PLCG2: variants seen among roughly 807,000 people sequenced by gnomAD.
PLCG2 encodes the protein 1-phosphatidylinositol 4,5-bisphosphate phosphodiesterase gamma-2.
PLCG2 carries 69 observed loss-of-function variants against 175.6 expected under a neutral mutation model. That is an observed-to-expected ratio of 0.39 (90% confidence interval 0.32 to 0.48). The LOEUF is 0.48. PLCG2 is among the 20% of genes least tolerant of loss of function. The pLI, the probability that PLCG2 is intolerant of heterozygous loss-of-function variation, is 0.91. For missense variants in PLCG2, 1,798 were observed against 1,650.9 expected, an observed-to-expected ratio of 1.09 and a Z score of -1.54; for synonymous variants, 827 against 624.0, an observed-to-expected ratio of 1.33 and a Z score of -4.85.
Position 81,962,221 on chromosome 16 carries a change from C to G in PLCG2, c.*4223C>G, listed in dbSNP as rs1911804401. 1.6e-5 allele frequency: 3 copies of G among 189,320 alleles called. No homozygotes were observed. The Admixed American group carries it at 1.9e-4, about 12-fold the overall frequency. The allele number at this position is 189,320 out of a possible 1,614,324, so 11.7% of individuals were successfully genotyped here. A position where few individuals can be genotyped will look rare whatever the true frequency, so the allele number is the denominator to read the frequency against. On this transcript the variant is annotated 3_prime_UTR_variant, in exon 33 of 33. Coordinates refer to ENST00000564138, the MANE Select transcript of PLCG2 (RefSeq NM_002661.5). Reference sequence around the variant, plus strand: ...TTGTATTTGGAAGCAAAAAGGATGGCTAAAAAGGACCTCAACCCTTTTGAC... The same window carrying G: ...TTGTATTTGGAAGCAAAAAGGATGGGTAAAAAGGACCTCAACCCTTTTGAC...
chr16:81,794,012 G>A (rs1029706628), intron 2 of PLCG2, among the ~76,000 whole-genome samples: 13 of 152,216 alleles, frequency 8.5e-5, no homozygotes, highest in Non-Finnish European at 1.5e-4. Flanking sequence ...AAGAATGGCA[G>A]CTTCATTTAG....
At position 81,880,960 on chromosome 16, in the gene PLCG2, C is replaced by G. The variant is rs773842088; in HGVS notation, c.692+7C>G. On this transcript the variant is annotated splice_region_variant and intron_variant, in intron 8 of 32. Transcript: ENST00000564138. ...CGTCCGTGTTCATCCTGGGGTGAGG[C>G]AGCTCTTGTGTGTCGTTCGGGGCGG... 1 of 1,613,884 alleles carries G rather than the reference C, an allele frequency of 6.2e-7. No individual in the cohort carries two copies. The highest frequency in any genetic ancestry group is 8.5e-7 in the Non-Finnish European group (1 of 1,179,860).
intron 13 of PLCG2, among the ~76,000 whole-genome samples, chr16:81,900,004 G>A (rs1162871422): frequency 6.6e-6 from 1 of 152,074 alleles, no homozygotes; most frequent in African/African-American, 2.4e-5. Flanking sequence ...AACCCCAATA[G>A]ATAAGAAAAA....
chr16:81,907,831 C>A, intron 16 of PLCG2, 57 bp downstream of exon 16: 2 of 1,323,786 alleles, frequency 1.5e-6, no homozygotes, highest in African/African-American at 1.4e-5. Context: ...CGAGGACCAG[C>A]CAGTCCCCGG....
At chr16:81,788,590 G>C (rs1911088398) in intron 2 of PLCG2, among the ~76,000 whole-genome samples, 1 of 152,226 alleles carries the variant, frequency 6.6e-6, no homozygotes, top group Non-Finnish European at 1.5e-5. Flanking sequence ...GGATGTAAAA[G>C]TACCTGTTGC....
intron 31 of PLCG2, among the ~76,000 whole-genome samples, chr16:81,953,441 A>G (rs1911446854): frequency 6.6e-6 from 1 of 152,140 alleles, no homozygotes; most frequent in Non-Finnish European, 1.5e-5. Flanking sequence ...TTCCAACATA[A>G]AACAATTTAA....
At position 81,958,885 on chromosome 16, in the gene PLCG2, A is replaced by G; in HGVS notation, c.*887A>G. 1 of 219,872 alleles carries G rather than the reference A, an allele frequency of 4.5e-6. No homozygotes were observed. Among genetic ancestry groups the G allele is most frequent in the Non-Finnish European group, 9.1e-6 (1 of 109,584 alleles). The allele number at this position is 219,872 out of a possible 1,614,324, so 13.6% of individuals were successfully genotyped here. On this transcript the variant is annotated 3_prime_UTR_variant, in exon 33 of 33. Transcript: ENST00000564138. ...AAAGAGGTAGACAAAAGTTAGGTTG[A>G]TGGCGAAATGTCTCTGGGTTACCCA...
intron 18 of PLCG2, among the ~76,000 whole-genome samples, chr16:81,911,946 T>C (rs560676129): frequency 2.0e-5 from 3 of 151,682 alleles, no homozygotes; most frequent in African/African-American, 7.3e-5. Context: ...TACAGGCGCC[T>C]GCCACCATGC....
At chr16:81,940,400 C>A (rs898196296) in intron 30 of PLCG2, among the ~76,000 whole-genome samples, 2 of 152,136 alleles carry the variant, frequency 1.3e-5, no homozygotes. Context: ...TGATCTCCCC[C>A]TCCTGCTCTC....
intron 1 of PLCG2, among the ~76,000 whole-genome samples, chr16:81,749,085 G>A (rs757976316): frequency 6.6e-6 from 1 of 152,084 alleles, no homozygotes. Flanking sequence ...TCACAAGGGG[G>A]CCCCTCAGTC....
intron 14 of PLCG2, among the ~76,000 whole-genome samples, chr16:81,901,121 C>T (rs541251766): frequency 5.3e-5 from 8 of 152,314 alleles, no homozygotes; most frequent in African/African-American, 1.9e-4. Context: ...TTCATTTGTT[C>T]ATTGGTGAAC....
At chr16:81,818,760 G>T (rs1484556799) in intron 2 of PLCG2, among the ~76,000 whole-genome samples, 1 of 152,006 alleles carries the variant, frequency 6.6e-6, no homozygotes, top group Non-Finnish European at 1.5e-5. Flanking sequence ...ACTGAGGGCT[G>T]CTGAGCCTGT....
chr16:81,933,747 C>CTAAA (rs1910599574), intron 25 of PLCG2, among the ~76,000 whole-genome samples: 2 of 152,200 alleles, frequency 1.3e-5, no homozygotes. Flanking sequence ...CCATTATTAT[C>CTAAA]TAAATATTCT....
At chr16:81,743,172 A>G (rs113493797) in intron 1 of PLCG2, among the ~76,000 whole-genome samples, 1 of 152,130 alleles carries the variant, frequency 6.6e-6, no homozygotes, top group Non-Finnish European at 1.5e-5. Context: ...AAAGGAAAGA[A>G]GGAAGGAAGG....
At chr16:81,896,293 C>G (rs12932808) in intron 13 of PLCG2, among the ~76,000 whole-genome samples, 1 of 151,852 alleles carries the variant, frequency 6.6e-6, no homozygotes, top group African/African-American at 2.4e-5. Flanking sequence ...CTTTGGGAGG[C>G]TGAGGTGTGA....
chr16:81,848,062 G>C (rs1013851148), intron 2 of PLCG2, among the ~76,000 whole-genome samples: 1 of 152,206 alleles, frequency 6.6e-6, no homozygotes, highest in African/African-American at 2.4e-5. Context: ...ATTGTAGAAC[G>C]AAATCAGAGG....
intron 2 of PLCG2, among the ~76,000 whole-genome samples, chr16:81,764,460 G>A (rs947784275): frequency 5.9e-5 from 9 of 152,198 alleles, no homozygotes; most frequent in Admixed American, 2.6e-4. Flanking sequence ...TCTTTGGAAA[G>A]TGCAATTGCC....
chr16:81,865,079 G>A (rs1402595684), intron 5 of PLCG2, among the ~76,000 whole-genome samples: 1 of 152,140 alleles, frequency 6.6e-6, no homozygotes, highest in Non-Finnish European at 1.5e-5. Flanking sequence ...AGGCAGCTGG[G>A]GAGTCACAAC....
intron 2 of PLCG2, among the ~76,000 whole-genome samples, chr16:81,838,224 C>T (rs1379421706): frequency 6.6e-6 from 1 of 151,986 alleles, no homozygotes; most frequent in Non-Finnish European, 1.5e-5. Flanking sequence ...GCACCTGGGA[C>T]TGTAGGCACC....
Sources: gnomAD v4.1 joint callset for allele counts (sites outside exome capture counted in the v4.1 genomes callset) on GRCh38, gnomAD v4.1.1 for gene constraint, MANE v1.5 for transcripts, NCBI Gene and HGNC (gene_info 2026-07-23, HGNC 2026-07-21) for gene names.